CUX2: variants seen among roughly 807,000 people sequenced by gnomAD.
The protein encoded by CUX2 is cut like homeobox 2.
A neutral mutation model predicts 144.8 loss-of-function variants in CUX2; 40 were observed. The ratio of observed to expected loss-of-function variants is 0.28; its 90% confidence interval spans 0.21 to 0.36. The LOEUF is 0.36. Among genes scored for constraint, CUX2 ranks in the 10% least tolerant of loss-of-function variants. The pLI is 1.00. For synonymous variants in CUX2, 827 were observed against 875.6 expected, an observed-to-expected ratio of 0.94 and a Z score of 0.98; for missense variants, 1,615 against 1,994.0, an observed-to-expected ratio of 0.81 and a Z score of 3.62.
At position 111,037,786 on chromosome 12, in the gene CUX2, T is replaced by C. The variant is rs1869534105; in HGVS notation, c.63+3546T>C. ...CTTTTTCTGCTTAACTTTCTACTTT[T>C]TTTTTTTACCATGCTCTGGGTCCAG... On this transcript the variant is annotated intron_variant, in intron 1 of 21. Coordinates refer to ENST00000261726, the MANE Select transcript of CUX2 (RefSeq NM_015267.4). This position sits in a 1 kb window ranked among gnomAD's most constrained non-coding sequence, Gnocchi z 5.4. 6.6e-6 allele frequency among the ~76,000 whole-genome samples: 1 copy of C among 152,232 alleles called. No homozygotes were observed. Among genetic ancestry groups the C allele is most frequent in the Non-Finnish European group, 1.5e-5 (1 of 68,040 alleles).
intron 3 of CUX2, among the ~76,000 whole-genome samples, chr12:111,249,749 C>T (rs1051142575): frequency 9.2e-5 from 14 of 152,062 alleles, no homozygotes; most frequent in Admixed American, 7.9e-4. Context: ...TGAGTCACTA[C>T]GCCCAGCCTA....
At chr12:111,065,621 C>T (rs1252898105) in intron 1 of CUX2, among the ~76,000 whole-genome samples, 1 of 152,216 alleles carries the variant, frequency 6.6e-6, no homozygotes, top group African/African-American at 2.4e-5. Flanking sequence ...TAGGCATGAG[C>T]CACCGCACCC....
intron 1 of CUX2, among the ~76,000 whole-genome samples, chr12:111,094,489 C>G (rs1026645339): frequency 6.6e-6 from 1 of 152,222 alleles, no homozygotes; most frequent in Non-Finnish European, 1.5e-5. Context: ...CAGCACCTAG[C>G]TTTTGGCAGC....
chr12:111,284,763 C>T (rs1885289558), intron 4 of CUX2, among the ~76,000 whole-genome samples: 1 of 152,226 alleles, frequency 6.6e-6, no homozygotes, highest in Non-Finnish European at 1.5e-5. Flanking sequence ...CAAACCTCTG[C>T]TCAAGTGACG....
At chr12:111,076,958 C>T (rs1205105034) in intron 1 of CUX2, among the ~76,000 whole-genome samples, 1 of 152,302 alleles carries the variant, frequency 6.6e-6, no homozygotes, top group Non-Finnish European at 1.5e-5. Context: ...GAAAACCCGT[C>T]GCCCCTCGGG....
chr12:111,132,110 T>C (rs1239161866), intron 1 of CUX2, among the ~76,000 whole-genome samples: 1 of 152,232 alleles, frequency 6.6e-6, no homozygotes, highest in African/African-American at 2.4e-5. Context: ...ATACATCTTC[T>C]GAAATCTCGA....
chr12:111,153,046 C>T (rs1418767772), intron 1 of CUX2, among the ~76,000 whole-genome samples: 1 of 152,120 alleles, frequency 6.6e-6, no homozygotes, highest in Non-Finnish European at 1.5e-5. Context: ...CTGGAGCAAA[C>T]CTTTCTTTTT....
chr12:111,262,699 C>G (rs1884185850), intron 3 of CUX2, among the ~76,000 whole-genome samples: 1 of 152,162 alleles, frequency 6.6e-6, no homozygotes, highest in Admixed American at 6.5e-5. Context: ...CTTTTTTAAT[C>G]ACTTTAATCA....
intron 1 of CUX2, among the ~76,000 whole-genome samples, chr12:111,213,763 C>T (rs980958570): frequency 2.0e-5 from 3 of 152,090 alleles, no homozygotes; most frequent in African/African-American, 4.8e-5. Flanking sequence ...TGAAAGCTGT[C>T]GACAGCACTT....
At chr12:111,247,072 A>T (rs567263939) in intron 3 of CUX2, among the ~76,000 whole-genome samples, 28 of 152,182 alleles carry the variant, frequency 1.8e-4, no homozygotes, top group African/African-American at 6.8e-4. Context: ...TCATCACCTT[A>T]ATCCTGATGA....
chr12:111,250,461 G>A (rs1280386415), intron 3 of CUX2, among the ~76,000 whole-genome samples: 1 of 152,208 alleles, frequency 6.6e-6, no homozygotes, highest in Non-Finnish European at 1.5e-5. Flanking sequence ...AGGCTCAGAT[G>A]CGCTAATTCC....
intron 1 of CUX2, among the ~76,000 whole-genome samples, chr12:111,198,756 G>A (rs1226061607): frequency 6.6e-6 from 1 of 152,218 alleles, no homozygotes; most frequent in Admixed American, 6.5e-5. Flanking sequence ...GGATGGGGAG[G>A]GATTGCAGGC....
intron 1 of CUX2, among the ~76,000 whole-genome samples, chr12:111,116,848 T>A (rs997106437): frequency 6.6e-6 from 1 of 152,240 alleles, no homozygotes; most frequent in African/African-American, 2.4e-5. Flanking sequence ...CTTATGTTTC[T>A]ATGGTGCACT....
intron 1 of CUX2, among the ~76,000 whole-genome samples, chr12:111,163,090 G>A (rs538868345): frequency 6.0e-5 from 9 of 150,788 alleles, no homozygotes; most frequent in South Asian, 2.1e-4. Context: ...TGCTGAATTC[G>A]AATCTCAGCT....
intron 16 of CUX2, among the ~76,000 whole-genome samples, chr12:111,318,760 G>T (rs773096401): frequency 4.6e-5 from 7 of 151,680 alleles, no homozygotes; most frequent in Non-Finnish European, 1.0e-4. Flanking sequence ...CTGCAGCCTC[G>T]AATTCCCAGG....
chr12:111,320,064 C>G lies in CUX2; in HGVS notation c.2055C>G (p.Pro685=). ...APLSIANGTT[P]ASTSEDAIKS... is the part of the protein sequence containing the mutation. Reference sequence around the variant, plus strand: ...TGAGCATCGCCAACGGCACGACCCCCGCCAGCACCTCGGAGGACGCCATCA... The same window carrying G: ...TGAGCATCGCCAACGGCACGACCCCGGCCAGCACCTCGGAGGACGCCATCA... The change falls in exon 17 of 22, where the codon CCC becomes CCG. Residue 685 remains proline (P), a synonymous_variant. Coordinates refer to ENST00000261726, the MANE Select transcript of CUX2 (RefSeq NM_015267.4). This position sits in a 1 kb window ranked among gnomAD's most constrained non-coding sequence, Gnocchi z 8.1. 3 of 1,551,642 alleles carry G rather than the reference C, an allele frequency of 1.9e-6. No individual in the cohort carries two copies. Among genetic ancestry groups the G allele is most frequent in the South Asian group, 2.4e-5 (2 of 84,782 alleles).
chr12:111,142,624 A>T (rs568817654), intron 1 of CUX2, among the ~76,000 whole-genome samples: 2 of 150,848 alleles, frequency 1.3e-5, no homozygotes, highest in South Asian at 4.2e-4. Context: ...GTTTTTCCTT[A>T]TGAGAAGTGC....
chr12:111,187,318 T>TG (rs959555967), intron 1 of CUX2, among the ~76,000 whole-genome samples: 2 of 152,200 alleles, frequency 1.3e-5, no homozygotes, highest in African/African-American at 4.8e-5. Context: ...GCACCTGCTG[T>TG]GCCCCCTCAT....
At chr12:111,072,921 A>G (rs1373842760) in intron 1 of CUX2, among the ~76,000 whole-genome samples, 1 of 152,252 alleles carries the variant, frequency 6.6e-6, no homozygotes, top group East Asian at 1.9e-4. Flanking sequence ...TTCTTTTGAA[A>G]AGTAAAATAT....
Sources: allele counts gnomAD v4.1 joint callset (sites outside exome capture counted in the v4.1 genomes callset), GRCh38; gene constraint gnomAD v4.1.1; non-coding constraint Gnocchi (gnomAD v3.1); transcripts MANE v1.5; gene names NCBI Gene and HGNC (gene_info 2026-07-23, HGNC 2026-07-21).